BTBD9: variants seen among roughly 807,000 people sequenced by gnomAD.
BTBD9 encodes the protein BTB domain containing 9.
Under a neutral mutation model 64.3 loss-of-function variants are expected in BTBD9, and 49 were observed. The ratio of observed to expected loss-of-function variants is 0.76; its 90% CI spans 0.61 to 0.97. The LOEUF (loss-of-function observed/expected upper bound fraction) is 0.97. Ranked by LOEUF, BTBD9 falls within the 50% of genes least tolerant of loss-of-function variation. BTBD9 has a pLI of 0.00. For missense variants in BTBD9, 598 were observed against 762.1 expected (o/e 0.78, Z 2.53); for synonymous variants, 260 against 274.7 (o/e 0.95, Z 0.53).
intron 7 of BTBD9, among the ~76,000 whole-genome samples, chr6:38,325,486 C>A (rs908865790): frequency 5.9e-5 from 9 of 152,144 alleles, no homozygotes; most frequent in African/African-American, 2.2e-4. Flanking sequence ...GAGATTGAGA[C>A]CATCCTGGCT....
chr6:38,372,851 A>G (rs1765479701), intron 6 of BTBD9, among the ~76,000 whole-genome samples: 1 of 152,180 alleles, frequency 6.6e-6, no homozygotes, highest in African/African-American at 2.4e-5. Flanking sequence ...TGCCATGAAC[A>G]TGTATAGCAA....
chr6:38,230,071 C>T (rs1763543902), intron 9 of BTBD9, among the ~76,000 whole-genome samples: 1 of 152,254 alleles, frequency 6.6e-6, no homozygotes, highest in Admixed American at 6.5e-5. Context: ...ATCATCTCCA[C>T]TGTAAGTGCC....
intron 6 of BTBD9, among the ~76,000 whole-genome samples, chr6:38,380,080 T>C (rs1765868112): frequency 2.6e-5 from 4 of 152,226 alleles, no homozygotes; most frequent in Admixed American, 1.3e-4. Flanking sequence ...ATTTGTTATA[T>C]ACTATATGCT....
chr6:38,233,009 T>C (rs1020159513), intron 9 of BTBD9, among the ~76,000 whole-genome samples: 1 of 152,200 alleles, frequency 6.6e-6, no homozygotes, highest in African/African-American at 2.4e-5. Context: ...GGCAGGATGG[T>C]CATGCTTCCT....
intron 6 of BTBD9, among the ~76,000 whole-genome samples, chr6:38,353,254 A>C (rs756306349): frequency 4.6e-5 from 7 of 152,206 alleles, no homozygotes; most frequent in Admixed American, 4.6e-4. Context: ...AGAGGAACTG[A>C]TTTGAATTTC....
chr6:38,604,073 C>T (rs887368816), intron 1 of BTBD9, among the ~76,000 whole-genome samples: 1 of 152,132 alleles, frequency 6.6e-6, no homozygotes, highest in African/African-American at 2.4e-5. Flanking sequence ...GAAGACTGAC[C>T]GTGCTGCTAG....
At chr6:38,638,765 C>T (rs1484868618) in intron 1 of BTBD9, among the ~76,000 whole-genome samples, 1 of 152,222 alleles carries the variant, frequency 6.6e-6, no homozygotes, top group African/African-American at 2.4e-5. Flanking sequence ...TACAGCCTAT[C>T]TTTTCACTGG....
intron 6 of BTBD9, among the ~76,000 whole-genome samples, chr6:38,567,139 T>C (rs1775559907): frequency 1.3e-5 from 2 of 152,254 alleles, no homozygotes; most frequent in African/African-American, 4.8e-5. Flanking sequence ...TAGCATACTG[T>C]AGTTTTATCA....
At chr6:38,255,908 G>A (rs1208758279) in intron 9 of BTBD9, among the ~76,000 whole-genome samples, 1 of 152,088 alleles carries the variant, frequency 6.6e-6, no homozygotes, top group African/African-American at 2.4e-5. Flanking sequence ...ACACACACTG[G>A]GGCCTGTCGT....
intron 1 of BTBD9, among the ~76,000 whole-genome samples, chr6:38,608,114 T>A (rs552455247): frequency 6.6e-6 from 1 of 152,274 alleles, no homozygotes; most frequent in African/African-American, 2.4e-5. Context: ...AGTCTCTTAC[T>A]TCTCATTTGC....
At chr6:38,220,205 C>T (rs1369432674) in intron 9 of BTBD9, among the ~76,000 whole-genome samples, 1 of 152,172 alleles carries the variant, frequency 6.6e-6, no homozygotes, top group Non-Finnish European at 1.5e-5. Context: ...AGGGCACGGC[C>T]CCACCTTCCT....
Position 38,374,003 on chromosome 6 carries a change from G to C in BTBD9, c.1155-28910C>G, listed in dbSNP as rs142078666. 9.9e-4 allele frequency among the ~76,000 whole-genome samples: 150 copies of C among 151,852 alleles called. 3 individuals carry two copies. In the East Asian group the frequency reaches 0.016, roughly 16 times the overall value. On this transcript the variant is annotated intron_variant, in intron 6 of 10. Coordinates refer to ENST00000481247, the MANE Select transcript of BTBD9 (RefSeq NM_001099272.2). ...TATCTACACTCAGCTAGGTGCAGTG[G>C]CTCAGGCCTATAATCCCAGCACTTT...
chr6:38,277,291 G>T (rs1380860566), intron 8 of BTBD9, among the ~76,000 whole-genome samples: 1 of 151,910 alleles, frequency 6.6e-6, no homozygotes, highest in Non-Finnish European at 1.5e-5. Flanking sequence ...CTCTCATTTT[G>T]GGTCAGAATT....
In BTBD9 at chr6:38,171,862, AAAAAAAAAAAAAAAAAAAAAT is replaced by A. The variant is rs1418359416; in HGVS notation, c.*3102_*3122del. ...TTCTACTCTCAAAAAAAAAAAAAAA[AAAAAAAAAAAAAAAAAAAAAT>A]AATAATAATAATAATAATAATAATA... is the stretch of plus-strand genomic sequence containing the variant. On this transcript the variant is annotated 3_prime_UTR_variant, in exon 11 of 11. Coordinates refer to ENST00000481247, the MANE Select transcript of BTBD9 (RefSeq NM_001099272.2). The A allele has an allele frequency of 4.6e-4, 36 of 78,734 alleles. No homozygotes were observed. The highest frequency in any genetic ancestry group is 1.6e-3 in the South Asian group (5 of 3,134). 4.9% of individuals were successfully genotyped at this position (78,734 alleles called of 1,614,324 possible). A position where few individuals can be genotyped will look rare whatever the true frequency, so the allele number is the denominator to read the frequency against.
intron 8 of BTBD9, among the ~76,000 whole-genome samples, chr6:38,263,638 G>A (rs558498235): frequency 6.6e-6 from 1 of 152,168 alleles, no homozygotes; most frequent in Admixed American, 6.5e-5. Flanking sequence ...TTGATCACAG[G>A]CATACAGAAG....
intron 6 of BTBD9, among the ~76,000 whole-genome samples, chr6:38,352,378 A>G (rs1764554985): frequency 1.3e-5 from 2 of 149,850 alleles, no homozygotes; most frequent in East Asian, 3.9e-4. Flanking sequence ...CTCTGTCTGA[A>G]AAAAAAAAAA....
In BTBD9 at chr6:38,569,951, T is replaced by C. The variant is rs143898905; in HGVS notation, c.1154+7649A>G. On this transcript the variant is annotated intron_variant, in intron 6 of 10. Transcript: ENST00000481247. ...ATATGGAATTTGTTTCTAAACACAG[T>C]TTAATGAAAACAAGCTAGGATTCAA... Among the ~76,000 whole-genome samples the C allele has an allele frequency of 4.5e-4, 69 of 152,086 alleles. 1 individual carries two copies. In the East Asian group the frequency reaches 0.013, roughly 29 times the overall value.
At chr6:38,360,838 G>C (rs1431147636) in intron 6 of BTBD9, among the ~76,000 whole-genome samples, 1 of 152,170 alleles carries the variant, frequency 6.6e-6, no homozygotes, top group Non-Finnish European at 1.5e-5. Flanking sequence ...ACGGCTAGAG[G>C]GAGACTGTAG....
chr6:38,471,419 A>C (rs145865480), intron 6 of BTBD9, among the ~76,000 whole-genome samples: 113 of 152,304 alleles, frequency 7.4e-4, no homozygotes, highest in African/African-American at 2.7e-3. Flanking sequence ...GAACAAAACT[A>C]ACTTGTATAA....
Sources: allele counts gnomAD v4.1 joint callset (sites outside exome capture counted in the v4.1 genomes callset), GRCh38; gene constraint gnomAD v4.1.1; transcripts MANE v1.5; gene names NCBI Gene and HGNC (gene_info 2026-07-23, HGNC 2026-07-21).